Variants in PGM5 observed in about 807,000 individuals in gnomAD.
PGM5 encodes phosphoglucomutase-like protein 5.
Under a neutral mutation model 59.2 loss-of-function variants are expected in PGM5, and 23 were observed. That is an observed-to-expected ratio of 0.39 (90% confidence interval 0.28 to 0.55). PGM5 has a LOEUF of 0.55. Among genes scored for constraint, PGM5 ranks in the 20% least tolerant of loss-of-function variants. The pLI is 0.66. For synonymous variants in PGM5, 214 were observed against 286.0 expected, an observed-to-expected ratio of 0.75 and a Z score of 2.54; for missense variants, 574 against 748.3, an observed-to-expected ratio of 0.77 and a Z score of 2.72.
At chr9:68,438,193 G>T (rs555381096) in intron 6 of PGM5, among the ~76,000 whole-genome samples, 7 of 149,956 alleles carry the variant, frequency 4.7e-5, no homozygotes, top group Non-Finnish European at 1.0e-4. Context: ...GGAGGCTGAG[G>T]CAGGACAATC....
At chr9:68,492,657 G>A (rs1824411479) in intron 9 of PGM5, among the ~76,000 whole-genome samples, 1 of 152,126 alleles carries the variant, frequency 6.6e-6, no homozygotes, top group Admixed American at 6.5e-5. Flanking sequence ...CCATGCTGGG[G>A]GTAGAGGGGG....
intron 6 of PGM5, among the ~76,000 whole-genome samples, chr9:68,449,768 C>T (rs1183498701): frequency 6.6e-6 from 1 of 152,224 alleles, no homozygotes; most frequent in Non-Finnish European, 1.5e-5. Context: ...CACTCTACTG[C>T]ACAGCCTCTT....
chr9:68,460,613 A>T (rs1370897071), intron 6 of PGM5, among the ~76,000 whole-genome samples: 1 of 152,236 alleles, frequency 6.6e-6, no homozygotes, highest in Non-Finnish European at 1.5e-5. Context: ...TAGATAAAGC[A>T]TGCAGAAATG....
At chr9:68,376,459 C>T (rs1425075110) in intron 1 of PGM5, among the ~76,000 whole-genome samples, 2 of 147,588 alleles carry the variant, frequency 1.4e-5, no homozygotes, top group African/African-American at 2.5e-5. Flanking sequence ...CATCCCAAGG[C>T]CACTTTGCTT....
intron 6 of PGM5, among the ~76,000 whole-genome samples, chr9:68,453,763 C>A (rs1554684589): frequency 1.3e-5 from 2 of 152,158 alleles, no homozygotes; most frequent in East Asian, 3.9e-4. Context: ...ATGAAGTTTG[C>A]ATGAAATGAG....
chr9:68,389,078 GT>G (rs1554679202), intron 4 of PGM5, among the ~76,000 whole-genome samples: 11 of 151,284 alleles, frequency 7.3e-5, no homozygotes, highest in Admixed American at 2.0e-4. Context: ...TCTTTATTTT[GT>G]TCTACTTTCT....
chr9:68,361,598 T>C (rs1343656476), intron 1 of PGM5, among the ~76,000 whole-genome samples: 2 of 152,250 alleles, frequency 1.3e-5, no homozygotes, highest in Non-Finnish European at 2.9e-5. Flanking sequence ...GGTTCATAGA[T>C]TGGCCTTCTT....
In PGM5 at chr9:68,359,137, A is replaced by T. The variant is rs181512839; in HGVS notation, c.261+1749A>T. ...GGTTGTTGATTTGCATGGGAAAATTATTATGTCTTATTATTTCTTGTCCCA... is the reference window on the plus strand; with the variant it reads ...GGTTGTTGATTTGCATGGGAAAATTTTTATGTCTTATTATTTCTTGTCCCA... On this transcript the variant is annotated intron_variant, in intron 1 of 10. Coordinates refer to ENST00000396396, the MANE Select transcript of PGM5 (RefSeq NM_021965.4). 3.1e-3 allele frequency among the ~76,000 whole-genome samples: 455 copies of T among 148,560 alleles called. 4 individuals are homozygous for T. Among genetic ancestry groups the T allele is most frequent in the African/African-American group, 0.011 (433 of 40,282 alleles).
intron 6 of PGM5, among the ~76,000 whole-genome samples, chr9:68,452,989 C>T (rs1014022384): frequency 7.9e-5 from 12 of 152,174 alleles, no homozygotes; most frequent in Non-Finnish European, 1.5e-5. Flanking sequence ...CCCTTGGACC[C>T]CACCACTATC....
intron 6 of PGM5, among the ~76,000 whole-genome samples, chr9:68,416,849 T>C (rs932367405): frequency 6.6e-6 from 1 of 152,244 alleles, no homozygotes; most frequent in Non-Finnish European, 1.5e-5. Context: ...GATTTTGTTA[T>C]TTTACAGCCT....
chr9:68,519,633 C>T (rs1824868943), intron 10 of PGM5, among the ~76,000 whole-genome samples: 2 of 150,138 alleles, frequency 1.3e-5, no homozygotes, highest in African/African-American at 4.9e-5. Flanking sequence ...CACATGTACC[C>T]TAAAACTTAA....
At chr9:68,499,146 T>C (rs1373956264) in intron 9 of PGM5, 81 bp from the exon 10 acceptor site, 26 of 1,465,544 alleles carry the variant, frequency 1.8e-5, no homozygotes, top group Non-Finnish European at 2.2e-5. Flanking sequence ...AAAAACATGC[T>C]GATTTCTGTG....
At chr9:68,454,535 C>G (rs1293817074) in intron 6 of PGM5, among the ~76,000 whole-genome samples, 2 of 152,166 alleles carry the variant, frequency 1.3e-5, no homozygotes, top group African/African-American at 4.8e-5. Flanking sequence ...TTCATGAGGC[C>G]GATCACTCTT....
At chr9:68,374,266 T>C (rs1821818123) in intron 1 of PGM5, among the ~76,000 whole-genome samples, 1 of 152,272 alleles carries the variant, frequency 6.6e-6, no homozygotes, top group South Asian at 2.1e-4. Context: ...AGTGACTAAA[T>C]TATATTCAGT....
chr9:68,466,133 T>C, intron 7 of PGM5: 2 of 1,297,456 alleles, frequency 1.5e-6, no homozygotes, highest in Non-Finnish European at 2.0e-6. Context: ...TCTGATTTAT[T>C]TCTCCCCTTT....
At chr9:68,453,956 G>A (rs1264069623) in intron 6 of PGM5, among the ~76,000 whole-genome samples, 3 of 152,204 alleles carry the variant, frequency 2.0e-5, no homozygotes, top group African/African-American at 7.2e-5. Context: ...CCAGGAGGGG[G>A]TGGATGAAGA....
intron 9 of PGM5, among the ~76,000 whole-genome samples, chr9:68,490,872 C>T (rs1460617335): frequency 6.6e-6 from 1 of 152,202 alleles, no homozygotes; most frequent in Admixed American, 6.5e-5. Flanking sequence ...AGCACTTCTA[C>T]ACTGAGTCAC....
intron 6 of PGM5, among the ~76,000 whole-genome samples, chr9:68,436,751 T>A (rs1823447562): frequency 6.6e-6 from 1 of 152,232 alleles, no homozygotes; most frequent in Admixed American, 6.5e-5. Flanking sequence ...AGCTGATTTT[T>A]AAAATTCGAT....
At chr9:68,359,446 A>C (rs1476245884) in intron 1 of PGM5, among the ~76,000 whole-genome samples, 1 of 152,192 alleles carries the variant, frequency 6.6e-6, no homozygotes, top group Admixed American at 6.5e-5. Context: ...CAAACAGCCA[A>C]CTTTAACCAA....
Sources: allele counts gnomAD v4.1 joint callset (sites outside exome capture counted in the v4.1 genomes callset), GRCh38; gene constraint gnomAD v4.1.1; transcripts MANE v1.5; gene names NCBI Gene and HGNC (gene_info 2026-07-23, HGNC 2026-07-21).